OPCML: variants seen among roughly 807,000 people sequenced by gnomAD.
OPCML encodes opioid-binding protein/cell adhesion molecule.
OPCML carries 13 observed loss-of-function variants against 37.8 expected under a neutral mutation model. The observed-to-expected ratio is 0.34, with a 90% CI of 0.22 to 0.55. OPCML has a LOEUF of 0.55. Ranked by LOEUF, OPCML falls within the 20% of genes least tolerant of loss-of-function variation. The pLI is 0.91. For missense variants in OPCML, 341 were observed against 435.6 expected, an observed-to-expected ratio of 0.78 and a Z score of 1.93; for synonymous variants, 176 against 168.8, an observed-to-expected ratio of 1.04 and a Z score of -0.33.
intron 1 of OPCML, among the ~76,000 whole-genome samples, chr11:133,350,795 AT>A (rs546116535): frequency 6.6e-6 from 1 of 152,218 alleles, no homozygotes; most frequent in Non-Finnish European, 1.5e-5. Context: ...TACACACTTG[AT>A]GACAGGCAGC....
chr11:132,516,256 A>G (rs1302737100), intron 4 of OPCML, among the ~76,000 whole-genome samples: 3 of 152,152 alleles, frequency 2.0e-5, no homozygotes, highest in Non-Finnish European at 2.9e-5. Context: ...TGCTTGGGAG[A>G]TAAGTCTGCA....
chr11:132,876,605 T>G (rs1210632610), intron 2 of OPCML, among the ~76,000 whole-genome samples: 3 of 152,068 alleles, frequency 2.0e-5, no homozygotes, highest in African/African-American at 7.2e-5. Flanking sequence ...CAACAAGGAG[T>G]GTGATTTTTC....
At chr11:133,073,670 A>G (rs1948579356) in intron 1 of OPCML, among the ~76,000 whole-genome samples, 1 of 152,236 alleles carries the variant, frequency 6.6e-6, no homozygotes, top group Admixed American at 6.5e-5. Flanking sequence ...GTAAATAGGT[A>G]GCAAATGCGA....
chr11:132,739,954 T>C (rs1188383756), intron 2 of OPCML, among the ~76,000 whole-genome samples: 3 of 152,084 alleles, frequency 2.0e-5, no homozygotes, highest in Non-Finnish European at 4.4e-5. Flanking sequence ...AGGAGTACAA[T>C]CTTAAAAAAA....
At chr11:133,192,730 G>A (rs1435684535) in intron 1 of OPCML, among the ~76,000 whole-genome samples, 2 of 152,116 alleles carry the variant, frequency 1.3e-5, no homozygotes, top group African/African-American at 4.8e-5. Flanking sequence ...TCCTGTTCAG[G>A]ACTGTTGTGA....
chr11:133,125,865 GTATATATAGACA>G (rs1949502654), intron 1 of OPCML, among the ~76,000 whole-genome samples: 1 of 143,020 alleles, frequency 7.0e-6, no homozygotes, highest in African/African-American at 2.6e-5. Context: ...ATATACACAT[GTATATATAGACA>G]CATGTATATA....
chr11:133,190,155 G>A (rs1458898595), intron 1 of OPCML, among the ~76,000 whole-genome samples: 1 of 152,198 alleles, frequency 6.6e-6, no homozygotes, highest in Admixed American at 6.5e-5. Flanking sequence ...CAAACATGCT[G>A]TGACCAGCTG....
chr11:132,819,187 T>C (rs1395396647), intron 2 of OPCML, among the ~76,000 whole-genome samples: 2 of 152,044 alleles, frequency 1.3e-5, no homozygotes, highest in Non-Finnish European at 2.9e-5. Flanking sequence ...TATCTGTAGC[T>C]TTATGATTCC....
intron 2 of OPCML, among the ~76,000 whole-genome samples, chr11:132,741,574 G>A (rs1209557855): frequency 6.6e-6 from 1 of 152,012 alleles, no homozygotes; most frequent in Non-Finnish European, 1.5e-5. Flanking sequence ...AAAATGCCAA[G>A]GACTGTGAAA....
At chr11:133,492,945 G>A (rs1308062099) in intron 1 of OPCML, among the ~76,000 whole-genome samples, 1 of 152,172 alleles carries the variant, frequency 6.6e-6, no homozygotes, top group African/African-American at 2.4e-5. Context: ...TGGAGAATAT[G>A]CCATAAGAAG....
intron 3 of OPCML, among the ~76,000 whole-genome samples, chr11:132,641,633 T>C (rs1383348357): frequency 1.3e-5 from 2 of 152,212 alleles, no homozygotes; most frequent in African/African-American, 2.4e-5. Flanking sequence ...ACCTACATCT[T>C]ATGCAGTACA....
rs538931601 is a variant in OPCML, at chr11:132,850,125, CCTCT to C, written c.146+92797_146+92800del. On this transcript the variant is annotated intron_variant, in intron 2 of 7. Coordinates refer to ENST00000524381, the MANE Select transcript of OPCML (RefSeq NM_001012393.5). Reference sequence around the variant, plus strand: ...ATTTCAAGTCTTGTGTTTAGCCCTCCCTCTAAGTGAAGTAATCCTTCAAAGAGGC... The same window carrying C: ...ATTTCAAGTCTTGTGTTTAGCCCTCCAAGTGAAGTAATCCTTCAAAGAGGC... Among the ~76,000 whole-genome samples the C allele has an allele frequency of 1.7e-3, 259 of 152,202 alleles. 3 individuals are homozygous for C. The highest frequency in any genetic ancestry group is 2.8e-3 in the Non-Finnish European group (188 of 67,998).
intron 1 of OPCML, among the ~76,000 whole-genome samples, chr11:133,457,431 T>C (rs1565644020): frequency 1.3e-5 from 2 of 151,980 alleles, no homozygotes; most frequent in Non-Finnish European, 2.9e-5. Flanking sequence ...CCCAACTACT[T>C]GGGAGGCTGA....
intron 1 of OPCML, among the ~76,000 whole-genome samples, chr11:133,237,652 T>A (rs1467325957): frequency 3.3e-5 from 5 of 152,188 alleles, no homozygotes; most frequent in African/African-American, 4.8e-5. Flanking sequence ...ATTGAAGGGA[T>A]GAGGGGCTTG....
intron 1 of OPCML, among the ~76,000 whole-genome samples, chr11:133,280,693 A>G (rs1470309792): frequency 6.6e-6 from 1 of 152,194 alleles, no homozygotes; most frequent in Non-Finnish European, 1.5e-5. Context: ...GTAACAGTGC[A>G]TATGGAATAT....
Position 132,871,782 on chromosome 11 carries a change from C to T in OPCML, c.146+71144G>A, listed in dbSNP as rs554337049. On this transcript the variant is annotated intron_variant, in intron 2 of 7. Coordinates refer to ENST00000524381, the MANE Select transcript of OPCML (RefSeq NM_001012393.5). ...GTTTCTAGAACTGTCTTCAGCTTTG[C>T]AGAATATTCCAGAAGAGTAATCATT... Among the ~76,000 whole-genome samples, 52 of 152,356 alleles carry T rather than the reference C, an allele frequency of 3.4e-4. 1 individual carries two copies. The South Asian group carries it at 5.0e-3, about 15-fold the overall frequency.
At chr11:133,185,645 C>G (rs1450339002) in intron 1 of OPCML, among the ~76,000 whole-genome samples, 1 of 152,080 alleles carries the variant, frequency 6.6e-6, no homozygotes, top group Non-Finnish European at 1.5e-5. Flanking sequence ...GAATGAGAAG[C>G]AAGAAAAATG....
intron 3 of OPCML, among the ~76,000 whole-genome samples, chr11:132,559,048 T>C (rs2096404617): frequency 6.6e-6 from 1 of 151,896 alleles, no homozygotes; most frequent in Non-Finnish European, 1.5e-5. Flanking sequence ...ATGACTTCCA[T>C]GTATATTTAG....
intron 1 of OPCML, chr11:133,008,290 G>A (rs1947150885): frequency 1.0e-6 from 1 of 985,248 alleles, no homozygotes; most frequent in Non-Finnish European, 1.2e-6. Context: ...ACAATCAATT[G>A]TGGTGCATAA....
Sources: allele counts gnomAD v4.1 joint callset (sites outside exome capture counted in the v4.1 genomes callset), GRCh38; gene constraint gnomAD v4.1.1; transcripts MANE v1.5; gene names NCBI Gene and HGNC (gene_info 2026-07-23, HGNC 2026-07-21).